IL1RAP: variants seen among roughly 807,000 people sequenced by gnomAD.
IL1RAP encodes the protein interleukin 1 receptor accessory protein, also known as interleukin-1 receptor accessory protein.
A neutral mutation model predicts 60.7 loss-of-function variants in IL1RAP; 35 were observed. The observed-to-expected ratio is 0.58, with a 90% confidence interval of 0.44 to 0.76. The LOEUF (loss-of-function observed/expected upper bound fraction) is 0.76, where lower values mean the gene tolerates loss of function less well. IL1RAP is among the 30% of genes least tolerant of loss of function. The probability of loss-of-function intolerance (pLI) is 0.00; values close to 1 mark genes in which losing one functional copy is unlikely to be tolerated. For synonymous variants in IL1RAP, 268 were observed against 250.9 expected, an observed-to-expected ratio of 1.07 and a Z score of -0.64; for missense variants, 572 against 693.9, an observed-to-expected ratio of 0.82 and a Z score of 1.97.
chr3:190,609,934 A>G (rs1730678435), intron 5 of IL1RAP, among the ~76,000 whole-genome samples: 1 of 152,182 alleles, frequency 6.6e-6, no homozygotes, highest in Non-Finnish European at 1.5e-5. Flanking sequence ...ACAGGTACTC[A>G]CTGGAAAGTG....
intron 1 of IL1RAP, among the ~76,000 whole-genome samples, chr3:190,546,858 CTCCGCA>C (rs1724416451): frequency 6.6e-6 from 1 of 152,186 alleles, no homozygotes; most frequent in Non-Finnish European, 1.5e-5. Flanking sequence ...AGCGTAAGGG[CTCCGCA>C]TAGTAGGTAT....
At chr3:190,591,413 C>T (rs1028443916) in intron 3 of IL1RAP, among the ~76,000 whole-genome samples, 29 of 152,190 alleles carry the variant, frequency 1.9e-4, no homozygotes, top group African/African-American at 6.7e-4. Flanking sequence ...TGGTTTGGCC[C>T]CTCCCCACCA....
intron 1 of IL1RAP, among the ~76,000 whole-genome samples, chr3:190,521,442 C>G (rs1722009078): frequency 6.6e-6 from 1 of 151,080 alleles, no homozygotes; most frequent in Non-Finnish European, 1.5e-5. Context: ...AGTTTTCTAA[C>G]TCCAAGATTA....
chr3:190,589,497 T>G (rs1331946886), intron 3 of IL1RAP, among the ~76,000 whole-genome samples: 2 of 152,194 alleles, frequency 1.3e-5, no homozygotes, highest in Non-Finnish European at 2.9e-5. Context: ...TCGCAGGTGA[T>G]GCCTCTGTTA....
At chr3:190,538,854 C>A (rs1039998217) in intron 1 of IL1RAP, among the ~76,000 whole-genome samples, 6 of 152,088 alleles carry the variant, frequency 3.9e-5, no homozygotes, top group African/African-American at 1.2e-4. Flanking sequence ...TTATAAGGGG[C>A]TCTCCCCTGT....
At chr3:190,613,630 G>A (rs1051076108) in intron 5 of IL1RAP, among the ~76,000 whole-genome samples, 1 of 152,026 alleles carries the variant, frequency 6.6e-6, no homozygotes, top group African/African-American at 2.4e-5. Context: ...ACTAAAAAAG[G>A]CAAACAACAT....
At chr3:190,533,270 T>TGA (rs1412495299) in intron 1 of IL1RAP, among the ~76,000 whole-genome samples, 3 of 152,136 alleles carry the variant, frequency 2.0e-5, no homozygotes, top group Non-Finnish European at 4.4e-5. Context: ...ACATTAGTAA[T>TGA]GAGTTCACCA....
chr3:190,632,916 T>A lies in IL1RAP; in HGVS notation c.1051+3418T>A, dbSNP rs563574110. Among the ~76,000 whole-genome samples the A allele has an allele frequency of 5.3e-5, 8 of 152,350 alleles. No individual in the cohort carries two copies. In the East Asian group the frequency reaches 1.5e-3, roughly 29 times the overall value. ...ATTAATTCTATGAATATAGATCTAT[T>A]TCTGCATTCCCTGCTCTGTTCATCT... is the stretch of plus-strand genomic sequence containing the variant. On this transcript the variant is annotated intron_variant, in intron 9 of 11. Coordinates refer to ENST00000447382, the MANE Select transcript of IL1RAP (RefSeq NM_002182.4).
chr3:190,627,238 C>A, intron 7 of IL1RAP, 85 bp from the exon 8 acceptor site: 1 of 1,193,054 alleles, frequency 8.4e-7, no homozygotes, highest in Non-Finnish European at 1.2e-6. Context: ...CACTAATGGG[C>A]TAACTTTGTC....
chr3:190,530,167 G>A (rs1365899599), intron 1 of IL1RAP, among the ~76,000 whole-genome samples: 2 of 152,168 alleles, frequency 1.3e-5, no homozygotes, highest in East Asian at 3.9e-4. Context: ...AACCTGCCCT[G>A]GAGAGAGCCC....
intron 3 of IL1RAP, among the ~76,000 whole-genome samples, chr3:190,587,970 A>G (rs975936595): frequency 5.3e-5 from 8 of 152,216 alleles, no homozygotes; most frequent in African/African-American, 1.7e-4. Context: ...ACTATACATT[A>G]CTATGGATTA....
At chr3:190,619,346 G>A (rs1731559419) in intron 5 of IL1RAP, among the ~76,000 whole-genome samples, 1 of 152,188 alleles carries the variant, frequency 6.6e-6, no homozygotes, top group African/African-American at 2.4e-5. Context: ...ATATGCAAAT[G>A]TGAATTAGGA....
chr3:190,589,481 G>A (rs779569997), intron 3 of IL1RAP, among the ~76,000 whole-genome samples: 5 of 152,188 alleles, frequency 3.3e-5, no homozygotes, highest in East Asian at 3.9e-4. Flanking sequence ...AGACTGCACC[G>A]GCGTTTCGCA....
intron 1 of IL1RAP, among the ~76,000 whole-genome samples, chr3:190,548,147 AG>A (rs1315737292): frequency 6.6e-6 from 1 of 152,180 alleles, no homozygotes; most frequent in African/African-American, 2.4e-5. Flanking sequence ...GGTTCATTTC[AG>A]AGGCAGTGGA....
rs774566906 is a variant in IL1RAP at position 190,629,350 on chromosome 3, T to C, written c.903T>C (p.Ser301=). 1.9e-6 allele frequency: 3 copies of C among 1,597,008 alleles called. No individual in the cohort carries two copies. The highest frequency in any genetic ancestry group is 1.7e-6 in the Non-Finnish European group (2 of 1,169,056). The part of the protein sequence containing the change: ...DITIDVTINE[S]ISHSRTEDET... ...TTGATTTTCTTCTCTCTATTTCTAGTATAAGTCATAGTAGAACAGAAGATG... is the reference window on the plus strand; with the variant it reads ...TTGATTTTCTTCTCTCTATTTCTAGCATAAGTCATAGTAGAACAGAAGATG... Residue 301 remains serine, a splice_region_variant and synonymous_variant, in exon 9 of 12, where the codon AGT becomes AGC. Coordinates refer to ENST00000447382, the MANE Select transcript of IL1RAP (RefSeq NM_002182.4).
chr3:190,652,604 G>C (rs564855302), downstream of IL1RAP, among the ~76,000 whole-genome samples: 2 of 152,218 alleles, frequency 1.3e-5, no homozygotes, highest in South Asian at 2.1e-4. Flanking sequence ...TCAACGGATC[G>C]AAGTTACAAG....
intron 3 of IL1RAP, among the ~76,000 whole-genome samples, chr3:190,595,516 A>G (rs1166482999): frequency 6.6e-6 from 1 of 152,130 alleles, no homozygotes; most frequent in Non-Finnish European, 1.5e-5. Flanking sequence ...CCAGGTTAAT[A>G]TTTCCTGAGG....
At chr3:190,531,105 G>T (rs1040545331) in intron 1 of IL1RAP, among the ~76,000 whole-genome samples, 1 of 151,908 alleles carries the variant, frequency 6.6e-6, no homozygotes, top group Non-Finnish European at 1.5e-5. Context: ...TCCATTCATC[G>T]CTGGGCCCTG....
chr3:190,567,737 C>A (rs879620230), intron 3 of IL1RAP, among the ~76,000 whole-genome samples: 1 of 152,160 alleles, frequency 6.6e-6, no homozygotes, highest in Non-Finnish European at 1.5e-5. Context: ...TATCCTTACA[C>A]GCTTATCCTG....
Sources: gnomAD v4.1 joint callset for allele counts (sites outside exome capture counted in the v4.1 genomes callset) on GRCh38, gnomAD v4.1.1 for gene constraint, MANE v1.5 for transcripts, NCBI Gene and HGNC (gene_info 2026-07-23, HGNC 2026-07-21) for gene names.